Variants in BRI3 observed in about 807,000 individuals in gnomAD.
BRI3 encodes brain protein I3.
BRI3 carries 6 observed loss-of-function variants against 12.8 expected under a neutral mutation model. The observed-to-expected ratio is 0.47, with a 90% CI of 0.26 to 0.93. The LOEUF is 0.93. Among genes scored for constraint, BRI3 ranks in the 40% least tolerant of loss-of-function variants. BRI3 has a pLI of 0.15. For synonymous variants in BRI3, 91 were observed against 76.1 expected (o/e 1.20, Z -1.02); for missense variants, 134 against 171.1 (o/e 0.78, Z 1.21).
the BRI3 span, chr7:98,317,317 A>G: frequency 6.2e-7 from 1 of 1,613,984 alleles, no homozygotes; most frequent in Admixed American, 1.7e-5. Flanking sequence ...AAAGACTCTA[A>G]TTTATTCTTG....
At chr7:98,313,972 C>G (rs914583313), downstream of BRI3, among the ~76,000 whole-genome samples, 3 of 137,866 alleles carry the variant, frequency 2.2e-5, no homozygotes, top group African/African-American at 7.9e-5. Context: ...CTGAATACTC[C>G]TTTTTCTTCC....
At chr7:98,320,003 A>C in the BRI3 span, 1 of 1,446,140 alleles carries the variant, frequency 6.9e-7, no homozygotes, top group East Asian at 2.3e-5. Context: ...AGTTCTCCCC[A>C]GGCTGGGAGG....
downstream of BRI3, among the ~76,000 whole-genome samples, chr7:98,314,882 A>C (rs1801016779): frequency 6.6e-6 from 1 of 152,204 alleles, no homozygotes; most frequent in African/African-American, 2.4e-5. Flanking sequence ...TGAGAAGAGC[A>C]AACATGTGCT....
intron 1 of BRI3, chr7:98,307,420 T>C: frequency 7.7e-7 from 1 of 1,294,322 alleles, no homozygotes; most frequent in South Asian, 1.6e-5. Flanking sequence ...CTAAATTTTT[T>C]TTAAAAACAA....
At chr7:98,281,981 G>C in intron 1 of BRI3, 44 bp downstream of exon 1, 2 of 1,291,436 alleles carry the variant, frequency 1.5e-6, no homozygotes, top group Non-Finnish European at 2.0e-6. Context: ...TTCCGAGGTG[G>C]CAAGCCCGGT....
At chr7:98,304,081 A>C (rs1450339029), upstream of BRI3, 1 of 1,129,960 alleles carries the variant, frequency 8.8e-7, no homozygotes, top group Non-Finnish European at 1.2e-6. Flanking sequence ...CTCCCCGGGG[A>C]CACCACTCTC....
chr7:98,293,657 C>T (rs372615559), downstream of BRI3: 8 of 1,519,018 alleles, frequency 5.3e-6, no homozygotes, highest in East Asian at 9.0e-5. Context: ...TGGATTTTAA[C>T]AGTGCTAATA....
chr7:98,306,551 A>C, exon 1 of BRI3: 1 of 1,614,112 alleles, frequency 6.2e-7, no homozygotes, highest in Non-Finnish European at 8.5e-7. Flanking sequence ...CCCTATCAGC[A>C]GTAGACATGT....
chr7:98,282,216 C>T, intron 1 of BRI3, 135 bp from the exon 2 acceptor site: 1 of 865,822 alleles, frequency 1.2e-6, no homozygotes. Context: ...ATCAGGCCCG[C>T]GGTGGCCGTC....
chr7:98,288,401 G>T (rs1799783529), intron 2 of BRI3, among the ~76,000 whole-genome samples: 1 of 152,102 alleles, frequency 6.6e-6, no homozygotes, highest in South Asian at 2.1e-4. Flanking sequence ...GAGGTGTCCT[G>T]CCCAGTCTGG....
At chr7:98,294,974 CAG>C (rs1342758314), downstream of BRI3, among the ~76,000 whole-genome samples, 4 of 152,218 alleles carry the variant, frequency 2.6e-5, no homozygotes, top group South Asian at 2.1e-4. Context: ...TGCCTGCACA[CAG>C]GGAGTGGAGT....
chr7:98,319,081 G>C, the BRI3 span, among the ~76,000 whole-genome samples: 1 of 152,164 alleles, frequency 6.6e-6, no homozygotes, highest in Non-Finnish European at 1.5e-5. Context: ...TGCCGGGAGG[G>C]TGCAGCCAGG....
intron 1 of BRI3, among the ~76,000 whole-genome samples, 161 bp downstream of exon 1, chr7:98,282,098 C>A (rs1460093908): frequency 1.3e-5 from 2 of 152,106 alleles, no homozygotes; most frequent in South Asian, 2.1e-4. Flanking sequence ...GGCCAGCCTC[C>A]CCCCCGGGGC....
upstream of BRI3, among the ~76,000 whole-genome samples, chr7:98,301,599 G>A (rs1800426783): frequency 1.3e-5 from 2 of 151,998 alleles, no homozygotes; most frequent in South Asian, 4.2e-4. Context: ...TTACAGGCGT[G>A]AGCCACCGTG....
chr7:98,297,029 G>C (rs966748984), downstream of BRI3, among the ~76,000 whole-genome samples: 1 of 152,202 alleles, frequency 6.6e-6, no homozygotes, highest in African/African-American at 2.4e-5. Context: ...AGGGCCCCGC[G>C]GGCACTGCCT....
At chr7:98,320,115 G>A in the BRI3 span, 1 of 1,612,620 alleles carries the variant, frequency 6.2e-7, no homozygotes, top group Non-Finnish European at 8.5e-7. Context: ...TAATCTCTTT[G>A]TGGAATTTTT....
intron 2 of BRI3, among the ~76,000 whole-genome samples, chr7:98,283,808 C>G (rs1411892110): frequency 6.6e-6 from 1 of 152,214 alleles, no homozygotes; most frequent in Non-Finnish European, 1.5e-5. Context: ...GGTGAGGTGT[C>G]TCTGAAGCTC....
rs1266683120 is a variant in BRI3 at position 98,307,695 on chromosome 7, G to C, written n.325G>C. On this transcript the variant is annotated non_coding_transcript_exon_variant, in exon 2 of 2. Coordinates refer to the BRI3 transcript ENST00000485422. ...CCATCACGCCCAGACTTACGCCTTG[G>C]ACACGTCGTGTTCTCCATAGAGCCA... The C allele has an allele frequency of 1.2e-6, 2 of 1,613,968 alleles. No homozygotes were observed. The highest frequency in any genetic ancestry group is 4.5e-5 in the East Asian group (2 of 44,888).
At chr7:98,310,187 G>A in exon 2 of BRI3, 1 of 420,588 alleles carries the variant, frequency 2.4e-6, no homozygotes, top group Non-Finnish European at 4.2e-6. Context: ...TCAACAGTAT[G>A]TTTACTCTGG....
Sources: allele counts gnomAD v4.1 joint callset (sites outside exome capture counted in the v4.1 genomes callset), GRCh38; gene constraint gnomAD v4.1.1; transcripts MANE v1.5; gene names NCBI Gene and HGNC (gene_info 2026-07-23, HGNC 2026-07-21).